Variants in DGKB observed in about 807,000 individuals in gnomAD.
DGKB encodes the protein 90 kDa diacylglycerol kinase.
In DGKB, 67 loss-of-function variants were observed where a neutral mutation model predicts 114.3. The observed-to-expected ratio is 0.59, with a 90% CI of 0.48 to 0.72. The LOEUF is 0.72. Among genes scored for constraint, DGKB ranks in the 30% least tolerant of loss-of-function variants. The probability of loss-of-function intolerance (pLI) is 0.00; values close to 1 mark genes in which losing one functional copy is unlikely to be tolerated. For synonymous variants in DGKB, 398 were observed against 323.1 expected (o/e 1.23, Z -2.49); for missense variants, 907 against 975.2 (o/e 0.93, Z 0.93).
chr7:14,562,128 C>G (rs906062030), intron 20 of DGKB, among the ~76,000 whole-genome samples: 1 of 152,176 alleles, frequency 6.6e-6, no homozygotes, highest in Non-Finnish European at 1.5e-5. Context: ...GGTGCAAGCC[C>G]CAAGCCTTGG....
intron 8 of DGKB, among the ~76,000 whole-genome samples, chr7:14,696,219 C>T (rs1001001655): frequency 4.6e-5 from 7 of 152,020 alleles, no homozygotes; most frequent in Admixed American, 4.6e-4. Context: ...GGAGGCCGGG[C>T]GCGGTGGCTC....
At chr7:14,401,555 A>G (rs1454448291) in intron 21 of DGKB, among the ~76,000 whole-genome samples, 1 of 151,906 alleles carries the variant, frequency 6.6e-6, no homozygotes, top group Non-Finnish European at 1.5e-5. Context: ...TCTGGCTGAC[A>G]GGAATAGTGG....
At chr7:14,627,586 C>CTT (rs143891650) in intron 14 of DGKB, among the ~76,000 whole-genome samples, 2 of 149,010 alleles carry the variant, frequency 1.3e-5, no homozygotes, top group Non-Finnish European at 3.0e-5. Flanking sequence ...ATGTCTGTGT[C>CTT]TGTGTGTGTG....
intron 25 of DGKB, among the ~76,000 whole-genome samples, chr7:14,167,778 T>C (rs1784824475): frequency 6.6e-6 from 1 of 152,198 alleles, no homozygotes. Flanking sequence ...ATAGAGCAGC[T>C]TTTGTAACCT....
At chr7:14,239,205 C>T (rs147675433) in intron 23 of DGKB, among the ~76,000 whole-genome samples, 139 of 151,830 alleles carry the variant, frequency 9.2e-4, no homozygotes, top group African/African-American at 3.2e-3. Flanking sequence ...GTTGTTTTGG[C>T]AATAAAACCA....
rs2128490612 is a variant in DGKB, at chr7:14,302,519, C to A, written c.2122+35996G>T. On this transcript the variant is annotated intron_variant, in intron 23 of 25. Transcript: ENST00000402815. ...TCATCTGGAAACAGCCTGCCCCCGG[C>A]CCCATTGCTCGTTTTACTCTAGGTA... 1.3e-5 allele frequency among the ~76,000 whole-genome samples: 2 copies of A among 152,196 alleles called. 1 individual carries two copies. The highest frequency in any genetic ancestry group is 4.1e-4 in the South Asian group (2 of 4,830).
At chr7:14,494,716 T>A (rs1394267120) in intron 20 of DGKB, among the ~76,000 whole-genome samples, 2 of 151,952 alleles carry the variant, frequency 1.3e-5, no homozygotes, top group Non-Finnish European at 2.9e-5. Context: ...AAAGCGCCTA[T>A]GACTTTTTAA....
intron 1 of DGKB, among the ~76,000 whole-genome samples, chr7:14,848,895 T>C (rs936976325): frequency 6.6e-6 from 1 of 152,054 alleles, no homozygotes; most frequent in African/African-American, 2.4e-5. Context: ...ACCCTGCATA[T>C]CCCCTTCTCT....
intron 17 of DGKB, among the ~76,000 whole-genome samples, chr7:14,583,460 T>C (rs1800260651): frequency 6.6e-6 from 1 of 152,188 alleles, no homozygotes; most frequent in Non-Finnish European, 1.5e-5. Flanking sequence ...TGATTTGCAG[T>C]TCGCATAACC....
chr7:14,220,133 A>G (rs1027417385), intron 23 of DGKB, among the ~76,000 whole-genome samples: 5 of 151,646 alleles, frequency 3.3e-5, no homozygotes, highest in Non-Finnish European at 5.9e-5. Context: ...TGTTTACTGT[A>G]CTGAATACTG....
intron 23 of DGKB, among the ~76,000 whole-genome samples, chr7:14,192,875 T>G (rs967777902): frequency 6.6e-6 from 1 of 150,776 alleles, no homozygotes; most frequent in Non-Finnish European, 1.5e-5. Context: ...CTAGGGGTGA[T>G]GGGAAACACT....
chr7:14,894,243 C>G (rs761378986), intron 1 of DGKB, among the ~76,000 whole-genome samples: 1 of 151,376 alleles, frequency 6.6e-6, no homozygotes, highest in Non-Finnish European at 1.5e-5. Context: ...ATGTCTTTCT[C>G]TTTTCCTCTT....
chr7:14,856,917 G>T (rs1471419944), intron 1 of DGKB, among the ~76,000 whole-genome samples: 1 of 152,054 alleles, frequency 6.6e-6, no homozygotes, highest in Non-Finnish European at 1.5e-5. Flanking sequence ...ACACCTTAGG[G>T]TAAGCACCCA....
At chr7:14,825,012 GTATGTATATATA>G (rs1392889520) in intron 2 of DGKB, among the ~76,000 whole-genome samples, 4 of 60,846 alleles carry the variant, frequency 6.6e-5, no homozygotes, top group African/African-American at 3.5e-4. Flanking sequence ...ATATGTATGT[GTATGTATATATA>G]TATATATATA....
Position 14,685,309 on chromosome 7 carries a change from AG to A in DGKB, c.764del (p.Pro255LeufsTer8). On this transcript the variant is annotated frameshift_variant, in exon 10 of 26. Coordinates refer to ENST00000402815, the MANE Select transcript of DGKB (RefSeq NM_001350709.2). LOFTEE classifies it high-confidence loss of function. ...TGTTCAGGCAAAGGTTGCAATAGGC[AG>A]GTTTGTTAAAGTGCTTCAGTCGCCA... is the stretch of plus-strand genomic sequence containing the variant. ...HVWRLKHFNKPAYCNLCLNML... is the reference protein window; with the variant it reads ...HVWRLKHFNKXAYCNLCLNML... The A allele has an allele frequency of 6.2e-7, 1 of 1,613,896 alleles. No homozygotes were observed. The highest frequency in any genetic ancestry group is 8.5e-7 in the Non-Finnish European group (1 of 1,179,816).
intron 21 of DGKB, among the ~76,000 whole-genome samples, chr7:14,405,838 C>A (rs568126374): frequency 1.3e-5 from 2 of 151,978 alleles, no homozygotes; most frequent in East Asian, 3.9e-4. Flanking sequence ...CCATTCTAAG[C>A]GAGAGACATC....
chr7:14,596,100 A>G (rs1354483200), intron 17 of DGKB, among the ~76,000 whole-genome samples: 1 of 152,132 alleles, frequency 6.6e-6, no homozygotes, highest in Non-Finnish European at 1.5e-5. Flanking sequence ...TTTCATAGAG[A>G]TTTATAAAAC....
At chr7:14,950,876 A>G (rs761077436) in intron 1 of DGKB, among the ~76,000 whole-genome samples, 15 of 152,012 alleles carry the variant, frequency 9.9e-5, no homozygotes, top group Non-Finnish European at 2.2e-4. Flanking sequence ...CCAGTAAAAC[A>G]GAAAGTTGAT....
At chr7:14,645,302 C>A (rs112419480) in intron 13 of DGKB, among the ~76,000 whole-genome samples, 1 of 152,068 alleles carries the variant, frequency 6.6e-6, no homozygotes, top group East Asian at 1.9e-4. Flanking sequence ...CTTTTGGTCA[C>A]GGACAAGAAA....
Sources: allele counts gnomAD v4.1 joint callset (sites outside exome capture counted in the v4.1 genomes callset), GRCh38; gene constraint gnomAD v4.1.1; transcripts MANE v1.5; gene names NCBI Gene and HGNC (gene_info 2026-07-23, HGNC 2026-07-21).